Variants in PTPN13 observed in about 807,000 individuals in gnomAD.
The protein encoded by PTPN13 is protein tyrosine phosphatase non-receptor type 13, also known as tyrosine-protein phosphatase non-receptor type 13.
Under a neutral mutation model 284.0 loss-of-function variants are expected in PTPN13, and 191 were observed. The observed-to-expected ratio is 0.67, with a 90% CI of 0.60 to 0.76. The LOEUF (loss-of-function observed/expected upper bound fraction) is 0.76. Among genes scored for constraint, PTPN13 ranks in the 30% least tolerant of loss-of-function variants. The pLI is 0.00. For missense variants in PTPN13, 2,797 were observed against 2,939.9 expected (o/e 0.95, Z 1.12); for synonymous variants, 986 against 1,022.3 (o/e 0.96, Z 0.68).
intron 16 of PTPN13, 100 bp from the exon 17 acceptor site, chr4:86,744,866 A>G: frequency 1.1e-6 from 1 of 885,312 alleles, no homozygotes; most frequent in East Asian, 2.7e-5. Flanking sequence ...ATATAGGATT[A>G]TATTCATATT....
At chr4:86,773,093 T>A in intron 32 of PTPN13, 135 bp downstream of exon 32, 1 of 642,586 alleles carries the variant, frequency 1.6e-6, no homozygotes, top group Non-Finnish European at 2.5e-6. Flanking sequence ...ATAACATATC[T>A]GGTATGTTTC....
rs992389455 is a variant in PTPN13 at position 86,653,740 on chromosome 4, C to A, written c.115+18369C>A. 4.5e-4 allele frequency among the ~76,000 whole-genome samples: 68 copies of A among 151,954 alleles called. 2 individuals carry two copies. The highest frequency in any genetic ancestry group is 4.4e-5 in the Non-Finnish European group (3 of 68,000). The stretch of plus-strand genomic sequence containing the variant: ...GTGTGTATATATTTAAAAAGAGAAA[C>A]CTTTATTTGTATTATTTTTTAAAAA... On this transcript the variant is annotated intron_variant, in intron 2 of 47. Transcript: ENST00000411767.
Position 86,635,300 on chromosome 4 carries a change from C to CTGG in PTPN13, c.44_45insTGG (p.Pro15_Leu16insGly). ...GAGGCCCTGGAGGTTCGGGGTGGAC[C>CTGG]ACTTCAGGAGGAAGAAATATGGGCT... On this transcript the variant is annotated inframe_insertion, in exon 2 of 48. Transcript: ENST00000411767. 1 of 1,607,848 alleles carries CTGG rather than the reference C, an allele frequency of 6.2e-7. No homozygotes were observed. The highest frequency in any genetic ancestry group is 8.5e-7 in the Non-Finnish European group (1 of 1,177,406).
Position 86,797,763 on chromosome 4 carries a change from CA to C in PTPN13, c.6401+841del, listed in dbSNP as rs540851168. Reference sequence around the variant, plus strand: ...TTAATTTTTAATGAGAAAATGAAACCAAAAAAAGTAAGAAACCCACAAAATA... The same window carrying C: ...TTAATTTTTAATGAGAAAATGAAACCAAAAAAGTAAGAAACCCACAAAATA... On this transcript the variant is annotated intron_variant, in intron 41 of 47. Coordinates refer to ENST00000411767, the MANE Select transcript of PTPN13 (RefSeq NM_080683.3). Among the ~76,000 whole-genome samples, 16 of 150,174 alleles carry C rather than the reference CA, an allele frequency of 1.1e-4. No homozygotes were observed. The South Asian group carries it at 1.9e-3, about 18-fold the overall frequency.
rs553855543 is a variant in PTPN13 at position 86,617,625 on chromosome 4, A to C, written c.-5-17627A>C. On this transcript the variant is annotated intron_variant, in intron 1 of 47. Transcript: ENST00000411767. ...CTGACTTTTTAATGATCGCCATTCT[A>C]ACTGGTGTGAGATGGTATCTCATTG... is the stretch of plus-strand genomic sequence containing the variant. 6.4e-4 allele frequency among the ~76,000 whole-genome samples: 98 copies of C among 152,128 alleles called. 1 individual carries two copies. In the South Asian group the frequency reaches 0.014, roughly 22 times the overall value.
intron 42 of PTPN13, among the ~76,000 whole-genome samples, chr4:86,800,668 A>T (rs551045012): frequency 5.6e-5 from 8 of 142,290 alleles, no homozygotes; most frequent in Non-Finnish European, 1.1e-4. Flanking sequence ...AGAAAGAGAG[A>T]GAGAGAAAGA....
At chr4:86,796,815 A>T in intron 40 of PTPN13, 59 bp from the exon 41 acceptor site, 1 of 1,080,148 alleles carries the variant, frequency 9.3e-7, no homozygotes, top group East Asian at 2.6e-5. Flanking sequence ...GGAAAAAAAT[A>T]GTATGCGATT....
intron 7 of PTPN13, among the ~76,000 whole-genome samples, chr4:86,709,316 C>T (rs567274726): frequency 3.7e-4 from 57 of 152,180 alleles, no homozygotes; most frequent in African/African-American, 1.2e-3. Context: ...GAAATTATTG[C>T]TTTTCAGGAG....
intron 40 of PTPN13, among the ~76,000 whole-genome samples, chr4:86,788,726 C>A (rs978834676): frequency 1.3e-5 from 2 of 152,192 alleles, no homozygotes; most frequent in African/African-American, 4.8e-5. Flanking sequence ...TTGAACTCAT[C>A]TGACTAATTT....
intron 23 of PTPN13, among the ~76,000 whole-genome samples, chr4:86,759,550 G>A (rs1038030689): frequency 6.6e-6 from 1 of 152,136 alleles, no homozygotes; most frequent in African/African-American, 2.4e-5. Flanking sequence ...TGTCTGCCTT[G>A]CACAGAGTTA....
intron 42 of PTPN13, among the ~76,000 whole-genome samples, chr4:86,802,935 G>A (rs4693784): frequency 1.3e-5 from 2 of 151,680 alleles, no homozygotes; most frequent in Non-Finnish European, 2.9e-5. Flanking sequence ...TTACCCAGGC[G>A]TGGTGGTGCT....
At chr4:86,692,928 A>C (rs1380091662) in intron 5 of PTPN13, among the ~76,000 whole-genome samples, 5 of 151,992 alleles carry the variant, frequency 3.3e-5, no homozygotes, top group Admixed American at 1.3e-4. Context: ...TAAAATACAA[A>C]AATTAGCTGG....
chr4:86,762,741 G>A lies in PTPN13; in HGVS notation c.3568G>A (p.Val1190Met), dbSNP rs1181250011. 3 of 1,598,094 alleles carry A rather than the reference G, an allele frequency of 1.9e-6. No homozygotes were observed. Among genetic ancestry groups the A allele is most frequent in the Non-Finnish European group, 2.6e-6 (3 of 1,166,610 alleles). ...EKISKVPSTP[V>M]HLTNEMKNYM... is the part of the protein sequence containing the mutation. ...TTGACTTTTAGTGCCTTCTACTCCT[G>A]TGCATCTCACCAATGAGATGAAAAA... The change falls in exon 24 of 48, where the codon GTG (valine) becomes ATG (methionine). Residue 1190 changes from valine (V) to methionine (M), a missense_variant. Physicochemically the swap from Val to Met is conservative, Grantham distance 21. Transcript: ENST00000411767.
intron 40 of PTPN13, among the ~76,000 whole-genome samples, chr4:86,789,424 C>T (rs1742359777): frequency 6.6e-6 from 1 of 152,202 alleles, no homozygotes; most frequent in Admixed American, 6.5e-5. Flanking sequence ...TGCAATCACA[C>T]AGAACCCTGT....
At position 86,742,376 on chromosome 4, in the gene PTPN13, G is replaced by A. The variant is rs144094163; in HGVS notation, c.2487+560G>A. On this transcript the variant is annotated intron_variant, in intron 16 of 47. Transcript: ENST00000411767. ...TTATGGAAGATAGTTAGTGATAAAG[G>A]CATATTTTGATTTTGGACCTAGTTG... is the stretch of plus-strand genomic sequence containing the variant. 1.4e-3 allele frequency among the ~76,000 whole-genome samples: 214 copies of A among 152,240 alleles called. 2 individuals are homozygous for A. Among genetic ancestry groups the A allele is most frequent in the African/African-American group, 4.9e-3 (203 of 41,542 alleles).
chr4:86,803,064 CTGTGTGTGTGTGTGTG>C (rs143647187), intron 42 of PTPN13, among the ~76,000 whole-genome samples: 3 of 136,088 alleles, frequency 2.2e-5, no homozygotes, highest in Admixed American at 1.5e-4. Context: ...CAGAATAAGA[CTGTGTGTGTGTGTGTG>C]TGTGTGTGTG....
intron 1 of PTPN13, among the ~76,000 whole-genome samples, chr4:86,600,135 T>C (rs1764166764): frequency 6.6e-6 from 1 of 152,134 alleles, no homozygotes; most frequent in Admixed American, 6.5e-5. Context: ...ATTTTTTTCT[T>C]ATAGGGGAAG....
In PTPN13 at chr4:86,758,337, A is replaced by G; in HGVS notation, c.3301A>G (p.Lys1101Glu). ...CTTAGTGAACCTGAAAAAAGATGCAAAGTATGGCTTGGGTAAGTCACCGTG... is the reference window on the plus strand; with the variant it reads ...CTTAGTGAACCTGAAAAAAGATGCAGAGTATGGCTTGGGTAAGTCACCGTG... The part of the protein sequence containing the change: ...ITLVNLKKDA[K>E]YGLGFQIIGG... Residue 1101 changes from lysine to glutamate, a missense_variant, in exon 21 of 48, where the codon AAG (lysine) becomes GAG (glutamate). Transcript: ENST00000411767. 6.2e-7 allele frequency: 1 copy of G among 1,608,528 alleles called. No homozygotes were observed. Among genetic ancestry groups the G allele is most frequent in the Non-Finnish European group, 8.5e-7 (1 of 1,176,200 alleles).
In PTPN13 at chr4:86,734,734, C is replaced by A; in HGVS notation, c.2013-3C>A. 1 of 1,602,788 alleles carries A rather than the reference C, an allele frequency of 6.2e-7. No homozygotes were observed. On this transcript the variant is annotated splice_region_variant and splice_polypyrimidine_tract_variant and intron_variant, in intron 13 of 47. Coordinates refer to ENST00000411767, the MANE Select transcript of PTPN13 (RefSeq NM_080683.3). Reference sequence around the variant, plus strand: ...AGATGTCTGTGTGTGTTTGTTTTTTCAGACATACTCTGACGTGTCATCAGT... The same window carrying A: ...AGATGTCTGTGTGTGTTTGTTTTTTAAGACATACTCTGACGTGTCATCAGT...
Sources: gnomAD v4.1 joint callset for allele counts (sites outside exome capture counted in the v4.1 genomes callset) on GRCh38, gnomAD v4.1.1 for gene constraint, MANE v1.5 for transcripts, NCBI Gene and HGNC (gene_info 2026-07-23, HGNC 2026-07-21) for gene names.